The following CBLB variants were observed in gnomAD, a reference collection of about 807,000 sequenced individuals.
CBLB encodes E3 ubiquitin-protein ligase CBL-B.
A neutral mutation model predicts 104.9 loss-of-function variants in CBLB; 31 were observed. The ratio of observed to expected loss-of-function variants is 0.30; its 90% CI spans 0.22 to 0.40. The LOEUF is 0.40. CBLB is among the 10% of genes least tolerant of loss of function. CBLB has a pLI of 1.00. For missense variants in CBLB, 1,062 were observed against 1,214.6 expected (o/e 0.87, Z 1.87); for synonymous variants, 440 against 422.6 (o/e 1.04, Z -0.51).
chr3:105,671,052 A>G (rs1039631029), intron 17 of CBLB: 2 of 181,272 alleles, frequency 1.1e-5, no homozygotes, highest in African/African-American at 4.7e-5. Context: ...GGCATCTGAA[A>G]TAGTAAAAAA....
intron 3 of CBLB, among the ~76,000 whole-genome samples, chr3:105,795,753 T>C (rs541695160): frequency 3.5e-4 from 53 of 152,340 alleles, no homozygotes; most frequent in Admixed American, 1.2e-3. Flanking sequence ...TTTTTGTTTT[T>C]GTTTTTTTGA....
chr3:105,713,223 T>C (rs757278973), intron 10 of CBLB, among the ~76,000 whole-genome samples: 5 of 151,960 alleles, frequency 3.3e-5, no homozygotes, highest in Non-Finnish European at 7.4e-5. Context: ...GAGGCAGAGT[T>C]TTATGGACCA....
At chr3:105,666,208 CT>C (rs1174291801) in intron 18 of CBLB, among the ~76,000 whole-genome samples, 2 of 152,040 alleles carry the variant, frequency 1.3e-5, no homozygotes, top group Non-Finnish European at 2.9e-5. Flanking sequence ...TATCAAAACT[CT>C]TAGACTACTG....
intron 3 of CBLB, among the ~76,000 whole-genome samples, chr3:105,827,331 G>A (rs184284975): frequency 6.2e-4 from 93 of 150,590 alleles, no homozygotes; most frequent in African/African-American, 2.2e-3. Flanking sequence ...TTTTTCCCTC[G>A]TACCCATCTC....
At chr3:105,665,733 T>A (rs1232778541) in intron 18 of CBLB, among the ~76,000 whole-genome samples, 53 of 149,974 alleles carry the variant, frequency 3.5e-4, no homozygotes, top group Non-Finnish European at 3.0e-4. Context: ...TATATAAAAT[T>A]TATATATCTG....
chr3:105,675,179 A>G (rs1030126142), intron 17 of CBLB, among the ~76,000 whole-genome samples: 1 of 152,206 alleles, frequency 6.6e-6, no homozygotes, highest in Admixed American at 6.5e-5. Flanking sequence ...TCAGGAAACC[A>G]AATCTCAATA....
At chr3:105,667,796 A>G (rs1360965209) in intron 18 of CBLB, among the ~76,000 whole-genome samples, 5 of 152,224 alleles carry the variant, frequency 3.3e-5, no homozygotes, top group Non-Finnish European at 5.9e-5. Flanking sequence ...TTAGACAGCC[A>G]TAAGTGATAA....
Position 105,702,468 on chromosome 3 carries a change from A to C in CBLB, c.1594-9T>G. ...ACCATGCAAGGAGAAGACTAAAGAAACAGAAGAGAAAAAAAAAAAAAAAAA... is the reference window on the plus strand; with the variant it reads ...ACCATGCAAGGAGAAGACTAAAGAACCAGAAGAGAAAAAAAAAAAAAAAAA... On this transcript the variant is annotated splice_polypyrimidine_tract_variant and intron_variant, in intron 11 of 18. Transcript: ENST00000394030. 7.8e-7 allele frequency: 1 copy of C among 1,288,956 alleles called. No individual in the cohort carries two copies. Among genetic ancestry groups the C allele is most frequent in the Non-Finnish European group, 1.1e-6 (1 of 935,480 alleles). 79.8% of individuals were successfully genotyped at this position (1,288,956 alleles called of 1,614,324 possible). A position where few individuals can be genotyped will look rare whatever the true frequency, so the allele number is the denominator to read the frequency against.
Position 105,703,116 on chromosome 3 carries a change from G to T in CBLB, c.1594-657C>A, listed in dbSNP as rs565623861. On this transcript the variant is annotated intron_variant, in intron 11 of 18. Coordinates refer to ENST00000394030, the MANE Select transcript of CBLB (RefSeq NM_170662.5). ...TAGAAATATAAAGGTATAGATCAAT[G>T]AATTGAATGAGTATGCTTTTCGTAG... Among the ~76,000 whole-genome samples, 5 of 152,246 alleles carry T rather than the reference G, an allele frequency of 3.3e-5. No individual in the cohort carries two copies. The South Asian group carries it at 1.0e-3, about 32-fold the overall frequency.
intron 12 of CBLB, among the ~76,000 whole-genome samples, chr3:105,700,683 G>A (rs917756782): frequency 7.2e-5 from 11 of 152,172 alleles, no homozygotes; most frequent in African/African-American, 2.4e-4. Context: ...TAATAGATGA[G>A]ACTGAAGGTA....
At chr3:105,724,542 T>G (rs1164032474) in intron 9 of CBLB, among the ~76,000 whole-genome samples, 5 of 152,104 alleles carry the variant, frequency 3.3e-5, no homozygotes, top group Admixed American at 2.0e-4. Flanking sequence ...GTTTAAAGCT[T>G]TATAAAGTGC....
intron 17 of CBLB, among the ~76,000 whole-genome samples, chr3:105,675,553 C>G (rs1163914496): frequency 6.6e-6 from 1 of 151,982 alleles, no homozygotes. Flanking sequence ...CTAATACACA[C>G]GGTTTTAAAT....
rs116612551 is a variant in CBLB at position 105,753,590 on chromosome 3, C to A, written c.567-1972G>T. Among the ~76,000 whole-genome samples the A allele has an allele frequency of 4.2e-3, 637 of 152,210 alleles. 5 individuals are homozygous for A. The highest frequency in any genetic ancestry group is 0.015 in the African/African-American group (618 of 41,542). On this transcript the variant is annotated intron_variant, in intron 4 of 18. Transcript: ENST00000394030. ...TAAAAAAAATATGATCAGGGAACCA[C>A]TGACTTCAGAACAGTATAAATTTTA...
At chr3:105,755,516 AG>A (rs397783344) in intron 4 of CBLB, among the ~76,000 whole-genome samples, 2 of 151,422 alleles carry the variant, frequency 1.3e-5, no homozygotes, top group African/African-American at 4.9e-5. Flanking sequence ...AAAAAAAAAA[AG>A]GTAAAATATT....
At chr3:105,720,587 G>C (rs1480739736) in intron 9 of CBLB, among the ~76,000 whole-genome samples, 3 of 152,088 alleles carry the variant, frequency 2.0e-5, no homozygotes, top group African/African-American at 7.2e-5. Flanking sequence ...AAATTGAATC[G>C]TATCTCTCCT....
At chr3:105,776,912 G>A (rs1209614414) in intron 3 of CBLB, among the ~76,000 whole-genome samples, 1 of 152,112 alleles carries the variant, frequency 6.6e-6, no homozygotes, top group African/African-American at 2.4e-5. Context: ...ACCTGGGGGA[G>A]TAAGGAAAGA....
intron 4 of CBLB, among the ~76,000 whole-genome samples, chr3:105,756,598 T>C (rs1194344904): frequency 6.6e-6 from 1 of 152,136 alleles, no homozygotes; most frequent in Non-Finnish European, 1.5e-5. Context: ...TTGTAGTAGA[T>C]ACTAAAAACT....
At chr3:105,700,315 A>G (rs1265543134) in intron 12 of CBLB, among the ~76,000 whole-genome samples, 2 of 152,142 alleles carry the variant, frequency 1.3e-5, no homozygotes, top group African/African-American at 4.8e-5. Flanking sequence ...TCTTCAATGA[A>G]ATGGCTATAA....
chr3:105,767,869 TA>T (rs1380049417), intron 4 of CBLB, among the ~76,000 whole-genome samples: 1 of 151,908 alleles, frequency 6.6e-6, no homozygotes, highest in Non-Finnish European at 1.5e-5. Flanking sequence ...ACAAAGTGAG[TA>T]AATGTTGCAG....
Sources: gnomAD v4.1 joint callset for allele counts (sites outside exome capture counted in the v4.1 genomes callset) on GRCh38, gnomAD v4.1.1 for gene constraint, MANE v1.5 for transcripts, NCBI Gene and HGNC (gene_info 2026-07-23, HGNC 2026-07-21) for gene names.